LRP1B: variants seen among roughly 807,000 people sequenced by gnomAD.
The protein encoded by LRP1B is LDL receptor related protein 1B, also known as low-density lipoprotein receptor-related protein 1B.
A neutral mutation model predicts 556.6 loss-of-function variants in LRP1B; 217 were observed. That is an observed-to-expected ratio of 0.39 (90% CI 0.35 to 0.44). The LOEUF (loss-of-function observed/expected upper bound fraction) is 0.44, where lower values mean the gene tolerates loss of function less well. Among genes scored for constraint, LRP1B ranks in the 20% least tolerant of loss-of-function variants. LRP1B has a pLI of 1.00. For synonymous variants in LRP1B, 2,047 were observed against 1,865.8 expected (o/e 1.10, Z -2.50); for missense variants, 5,053 against 5,620.8 (o/e 0.90, Z 3.23).
intron 43 of LRP1B, among the ~76,000 whole-genome samples, chr2:140,572,728 A>G (rs1245356292): frequency 3.3e-5 from 5 of 151,604 alleles, no homozygotes; most frequent in Admixed American, 3.3e-4. Flanking sequence ...AATCAACCTA[A>G]CTGTTCATCA....
intron 2 of LRP1B, among the ~76,000 whole-genome samples, chr2:141,796,428 G>A (rs1695813788): frequency 6.6e-6 from 1 of 151,964 alleles, no homozygotes; most frequent in Non-Finnish European, 1.5e-5. Context: ...GTTTAGGATT[G>A]TAAGAATGTA....
At chr2:141,765,201 T>G (rs1694696926) in intron 2 of LRP1B, among the ~76,000 whole-genome samples, 1 of 152,180 alleles carries the variant, frequency 6.6e-6, no homozygotes, top group African/African-American at 2.4e-5. Context: ...CCGTAAACAG[T>G]GTAAATGGTT....
intron 82 of LRP1B, among the ~76,000 whole-genome samples, chr2:140,321,644 G>T (rs1381079758): frequency 6.6e-6 from 1 of 151,622 alleles, no homozygotes; most frequent in Non-Finnish European, 1.5e-5. Flanking sequence ...ACCCATAGCA[G>T]AATGTTCTCA....
chr2:141,738,274 C>T (rs142177314), intron 2 of LRP1B, among the ~76,000 whole-genome samples: 1 of 152,136 alleles, frequency 6.6e-6, no homozygotes, highest in Admixed American at 6.6e-5. Context: ...TTCTGTATCT[C>T]CTTCTCTCCC....
intron 2 of LRP1B, among the ~76,000 whole-genome samples, chr2:141,746,172 C>T (rs1013556012): frequency 1.3e-5 from 2 of 152,048 alleles, no homozygotes; most frequent in Admixed American, 1.3e-4. Context: ...AGGTAGCGTG[C>T]CCCCAAGTCC....
chr2:140,530,480 G>A (rs1229644031), intron 47 of LRP1B, among the ~76,000 whole-genome samples: 1 of 152,016 alleles, frequency 6.6e-6, no homozygotes, highest in Non-Finnish European at 1.5e-5. Context: ...CGGCTTATGG[G>A]TTATGGACCC....
Position 142,130,651 on chromosome 2 carries a change from G to T in LRP1B, c.79C>A (p.Arg27=). ...IARVLTVGAD[R]DQQLCDPGEF... ...AGCGGGGAGGTGTTCTCCTTACCTC[G>T]GTCGGCTCCCACGGTCAGCACCCTG... is the stretch of plus-strand genomic sequence containing the variant. Residue 27 remains arginine, a synonymous_variant, in exon 1 of 91, where the codon CGA becomes AGA. Coordinates refer to ENST00000389484, the MANE Select transcript of LRP1B (RefSeq NM_018557.3). 1 of 1,610,908 alleles carries T rather than the reference G, an allele frequency of 6.2e-7. No individual in the cohort carries two copies. The highest frequency in any genetic ancestry group is 8.5e-7 in the Non-Finnish European group (1 of 1,178,106).
At chr2:141,035,161 C>A in intron 11 of LRP1B, among the ~76,000 whole-genome samples, 1 of 149,640 alleles carries the variant, frequency 6.7e-6, no homozygotes, top group African/African-American at 2.5e-5. Flanking sequence ...ACAATGAGAA[C>A]ACATGGACAC....
At chr2:141,644,773 G>GCACA (rs1321092208) in intron 2 of LRP1B, among the ~76,000 whole-genome samples, 2 of 123,998 alleles carry the variant, frequency 1.6e-5, no homozygotes, top group African/African-American at 6.6e-5. Flanking sequence ...GCATACACAT[G>GCACA]CACACACACA....
At chr2:140,984,534 A>G (rs10928087) in intron 17 of LRP1B, among the ~76,000 whole-genome samples, 15,756 of 152,084 alleles carry the variant, frequency 0.1, 985 homozygotes, top group African/African-American at 0.17. Flanking sequence ...TTCAGGTTTA[A>G]TTCTAGCAAA....
intron 1 of LRP1B, among the ~76,000 whole-genome samples, chr2:142,105,546 T>C (rs1706717155): frequency 6.6e-6 from 1 of 150,882 alleles, no homozygotes; most frequent in Non-Finnish European, 1.5e-5. Context: ...CTGCTTATGG[T>C]TGATGAATTA....
chr2:141,708,101 A>T (rs1404222174), intron 2 of LRP1B, among the ~76,000 whole-genome samples: 1 of 152,130 alleles, frequency 6.6e-6, no homozygotes, highest in Non-Finnish European at 1.5e-5. Context: ...AAGAAAATAT[A>T]ATTATTTCCC....
chr2:141,457,487 G>A (rs1681677708), intron 3 of LRP1B, among the ~76,000 whole-genome samples: 1 of 152,026 alleles, frequency 6.6e-6, no homozygotes, highest in South Asian at 2.1e-4. Flanking sequence ...AATACATGCT[G>A]GATTTAATAC....
chr2:142,092,753 G>A (rs186030646), intron 1 of LRP1B, among the ~76,000 whole-genome samples: 1 of 152,104 alleles, frequency 6.6e-6, no homozygotes, highest in African/African-American at 2.4e-5. Flanking sequence ...GTTTATATGA[G>A]ATGGTAAAAT....
chr2:141,314,014 C>G (rs1221418811), intron 3 of LRP1B, among the ~76,000 whole-genome samples: 1 of 151,924 alleles, frequency 6.6e-6, no homozygotes, highest in Non-Finnish European at 1.5e-5. Flanking sequence ...AAAATTTTTA[C>G]TTCTTTTTTG....
At chr2:141,735,633 T>C (rs1289644593) in intron 2 of LRP1B, among the ~76,000 whole-genome samples, 3 of 152,136 alleles carry the variant, frequency 2.0e-5, no homozygotes, top group African/African-American at 7.2e-5. Flanking sequence ...TCACTGTTAC[T>C]AATCTATTTA....
chr2:140,941,825 A>G (rs1695411976), intron 20 of LRP1B, among the ~76,000 whole-genome samples: 1 of 152,182 alleles, frequency 6.6e-6, no homozygotes, highest in Non-Finnish European at 1.5e-5. Context: ...GAAGAAAAAG[A>G]AGCACCAGCT....
chr2:141,202,939 T>C (rs1265403758), intron 6 of LRP1B, among the ~76,000 whole-genome samples: 1 of 152,036 alleles, frequency 6.6e-6, no homozygotes, highest in Non-Finnish European at 1.5e-5. Flanking sequence ...CCATGTGTTG[T>C]CAGTGTTCAA....
At chr2:140,973,789 C>T (rs1226819021) in intron 18 of LRP1B, among the ~76,000 whole-genome samples, 2 of 151,974 alleles carry the variant, frequency 1.3e-5, no homozygotes, top group African/African-American at 4.8e-5. Flanking sequence ...CCATATTAAC[C>T]ATTTTAAGTA....
Sources: gnomAD v4.1 joint callset for allele counts (sites outside exome capture counted in the v4.1 genomes callset) on GRCh38, gnomAD v4.1.1 for gene constraint, MANE v1.5 for transcripts, NCBI Gene and HGNC (gene_info 2026-07-23, HGNC 2026-07-21) for gene names.